OR6N1: variants seen among roughly 807,000 people sequenced by gnomAD.
The protein encoded by OR6N1 is olfactory receptor family 6 subfamily N member 1.
For missense variants in OR6N1, 394 were observed against 371.7 expected (o/e 1.06, Z -0.49); for synonymous variants, 170 against 150.7 (o/e 1.13, Z -0.94).
At chr1:158,771,335 A>C (rs952539529) in intron 1 of OR6N1, among the ~76,000 whole-genome samples, 4 of 152,180 alleles carry the variant, frequency 2.6e-5, no homozygotes, top group Non-Finnish European at 4.4e-5. Flanking sequence ...GAAACTTCAT[A>C]CCATGTCCTA....
the OR6N1 span, among the ~76,000 whole-genome samples, chr1:158,826,707 A>G: frequency 6.6e-5 from 10 of 152,226 alleles, no homozygotes; most frequent in Admixed American, 1.3e-4. Flanking sequence ...GAGCTTTAAT[A>G]TAATCATTTG....
chr1:158,773,199 C>T (rs1308324517), upstream of OR6N1, among the ~76,000 whole-genome samples: 1 of 151,572 alleles, frequency 6.6e-6, no homozygotes, highest in Non-Finnish European at 1.5e-5. Context: ...AACTGAGTTG[C>T]CAGTATTTAA....
chr1:158,766,272 G>T lies in OR6N1; in HGVS notation c.411C>A (p.Thr137=), dbSNP rs200988887. ...CRPLHYPTLM[T]PTLCAEIAIG... ...TGGCAATCTCTGCACAAAGTGTTGG[G>T]GTCATGAGGGTTGGGTAGTGGAGGG... The change falls in exon 2 of 2, where the codon ACC becomes ACA. Residue 137 remains threonine (T), a synonymous_variant. Coordinates refer to ENST00000641846, the MANE Select transcript of OR6N1 (RefSeq NM_001005185.2). The T allele has an allele frequency of 2.4e-5, 38 of 1,614,068 alleles. No homozygotes were observed. In the Admixed American group the frequency reaches 3.8e-4, roughly 16 times the overall value.
chr1:158,833,972 G>C, the OR6N1 span, among the ~76,000 whole-genome samples: 3 of 151,968 alleles, frequency 2.0e-5, no homozygotes, highest in African/African-American at 7.3e-5. Context: ...TACCAATGAT[G>C]TACAAGGTTT....
At chr1:158,838,238 G>T in the OR6N1 span, among the ~76,000 whole-genome samples, 6 of 151,942 alleles carry the variant, frequency 3.9e-5, no homozygotes, top group Non-Finnish European at 8.8e-5. Flanking sequence ...TCAGCTTGAA[G>T]AAATCTCTTT....
At chr1:158,774,172 C>G (rs1280840239), upstream of OR6N1, 1 of 151,998 alleles carries the variant, frequency 6.6e-6, no homozygotes, top group Non-Finnish European at 1.5e-5. Flanking sequence ...CTTGCAATGT[C>G]TTTTACCGCC....
At chr1:158,785,720 G>A in the OR6N1 span, among the ~76,000 whole-genome samples, 1 of 152,100 alleles carries the variant, frequency 6.6e-6, no homozygotes, top group Non-Finnish European at 1.5e-5. Context: ...ATACCAAGTT[G>A]AAAACTAACA....
the OR6N1 span, among the ~76,000 whole-genome samples, chr1:158,829,743 T>A: frequency 2.0e-5 from 3 of 152,174 alleles, no homozygotes; most frequent in African/African-American, 7.2e-5. Context: ...ATTAGTCTGT[T>A]TTCATGCTGT....
At chr1:158,820,165 G>C in the OR6N1 span, among the ~76,000 whole-genome samples, 2 of 152,194 alleles carry the variant, frequency 1.3e-5, no homozygotes, top group Non-Finnish European at 2.9e-5. Flanking sequence ...ATTGTTTGTG[G>C]CTTAAGAACT....
the OR6N1 span, among the ~76,000 whole-genome samples, chr1:158,791,753 C>T: frequency 6.6e-6 from 1 of 152,172 alleles, no homozygotes; most frequent in African/African-American, 2.4e-5. Flanking sequence ...CAGGCGTGAG[C>T]CACAGTGACC....
the OR6N1 span, among the ~76,000 whole-genome samples, chr1:158,828,573 C>G: frequency 6.6e-6 from 1 of 152,192 alleles, no homozygotes; most frequent in Admixed American, 6.5e-5. Flanking sequence ...TGTGGTTTTG[C>G]AGGGAACAGC....
At chr1:158,818,866 C>G in the OR6N1 span, among the ~76,000 whole-genome samples, 663 of 152,266 alleles carry the variant, frequency 4.4e-3, 3 homozygotes, top group African/African-American at 0.015. Flanking sequence ...ATTTGGAGGA[C>G]ATGGGTACCT....
the OR6N1 span, among the ~76,000 whole-genome samples, chr1:158,807,151 G>T: frequency 6.6e-5 from 10 of 152,070 alleles, no homozygotes; most frequent in Admixed American, 3.3e-4. Flanking sequence ...AGCTGAAGTG[G>T]ATTTAGGGTT....
At position 158,765,745 on chromosome 1, in the gene OR6N1, C is replaced by T. The variant is rs1411359609; in HGVS notation, c.938G>A (p.Ter313=). The T allele has an allele frequency of 3.7e-6, 6 of 1,609,778 alleles. No individual in the cohort carries two copies. Among genetic ancestry groups the T allele is most frequent in the Non-Finnish European group, 5.1e-6 (6 of 1,176,680 alleles). ...RQLKRIGILA[*] is the part of the protein sequence containing the mutation. ...CCTTGGCCTACTCTCAGCCCCAACT[C>T]ATGCCAATATCCCAATTCTCTTTAG... Residue 313 remains the stop codon, a stop_retained_variant, in exon 2 of 2, where the codon TGA becomes TAA. Transcript: ENST00000641846.
upstream of OR6N1, among the ~76,000 whole-genome samples, chr1:158,773,670 T>C (rs11265068): frequency 0.15 from 23,276 of 151,944 alleles, 2,953 homozygotes; most frequent in African/African-American, 0.34. Context: ...ACCCTCCCCA[T>C]CTTCCCTCCC....
At chr1:158,802,444 G>A in the OR6N1 span, among the ~76,000 whole-genome samples, 2 of 151,888 alleles carry the variant, frequency 1.3e-5, no homozygotes, top group African/African-American at 2.4e-5. Flanking sequence ...TCCTGACCTC[G>A]TGATCCACCC....
At chr1:158,821,295 G>A in the OR6N1 span, among the ~76,000 whole-genome samples, 30 of 152,208 alleles carry the variant, frequency 2.0e-4, no homozygotes, top group South Asian at 6.0e-3. Context: ...TACAATCAAT[G>A]AACATGTGTC....
the OR6N1 span, among the ~76,000 whole-genome samples, chr1:158,832,897 A>T: frequency 6.6e-6 from 1 of 152,106 alleles, no homozygotes; most frequent in African/African-American, 2.4e-5. Flanking sequence ...TGCAAATTCT[A>T]TAAAGGTATA....
At chr1:158,778,858 C>CA in the OR6N1 span, among the ~76,000 whole-genome samples, 800 of 146,850 alleles carry the variant, frequency 5.4e-3, 7 homozygotes, top group African/African-American at 0.013. Flanking sequence ...ACTAAAAATA[C>CA]AAAAAAAAAA....
Sources: allele counts gnomAD v4.1 joint callset (sites outside exome capture counted in the v4.1 genomes callset), GRCh38; gene constraint gnomAD v4.1.1; transcripts MANE v1.5; gene names NCBI Gene and HGNC (gene_info 2026-07-23, HGNC 2026-07-21).